Variants in PDE4B observed in about 807,000 individuals in gnomAD.
PDE4B encodes the protein 3',5'-cyclic-AMP phosphodiesterase 4B.
In PDE4B, 20 loss-of-function variants were observed where a neutral mutation model predicts 82.2. The ratio of observed to expected loss-of-function variants is 0.24; its 90% CI spans 0.17 to 0.35. The LOEUF (loss-of-function observed/expected upper bound fraction) is 0.35, where lower values mean the gene tolerates loss of function less well. Among genes scored for constraint, PDE4B ranks in the 10% least tolerant of loss-of-function variants. The pLI is 1.00. For synonymous variants in PDE4B, 320 were observed against 318.9 expected (o/e 1.00, Z -0.04); for missense variants, 655 against 907.2 (o/e 0.72, Z 3.57).
chr1:66,059,435 G>T (rs1394278638), intron 3 of PDE4B, among the ~76,000 whole-genome samples: 2 of 152,150 alleles, frequency 1.3e-5, no homozygotes, highest in East Asian at 1.9e-4. Flanking sequence ...GTATTAGTCT[G>T]CTTTCATGCT....
chr1:66,361,127 T>A (rs1030296519), intron 9 of PDE4B, among the ~76,000 whole-genome samples: 4 of 152,192 alleles, frequency 2.6e-5, no homozygotes, highest in Admixed American at 6.5e-5. Flanking sequence ...GATTTTTAAA[T>A]TTTTTTTAAG....
At chr1:65,876,102 A>T (rs1381535284) in intron 1 of PDE4B, among the ~76,000 whole-genome samples, 1 of 152,146 alleles carries the variant, frequency 6.6e-6, no homozygotes, top group East Asian at 1.9e-4. Context: ...TTAGAATTTA[A>T]AGAACAGTGC....
chr1:66,136,282 C>T (rs1646053249), intron 3 of PDE4B, among the ~76,000 whole-genome samples: 1 of 152,162 alleles, frequency 6.6e-6, no homozygotes, highest in Non-Finnish European at 1.5e-5. Context: ...AGGGCTTCAA[C>T]CAAAACCAAA....
intron 3 of PDE4B, among the ~76,000 whole-genome samples, chr1:66,137,410 G>T (rs1223891499): frequency 6.6e-6 from 1 of 152,182 alleles, no homozygotes; most frequent in Non-Finnish European, 1.5e-5. Flanking sequence ...AAAGCTGAAT[G>T]AGATCATGTC....
At chr1:65,954,593 C>T (rs966990132) in intron 3 of PDE4B, among the ~76,000 whole-genome samples, 4 of 152,054 alleles carry the variant, frequency 2.6e-5, no homozygotes, top group African/African-American at 9.7e-5. Flanking sequence ...TGCTTTTCAA[C>T]ACCTACAAAT....
intron 3 of PDE4B, among the ~76,000 whole-genome samples, chr1:66,198,748 T>A (rs1350624502): frequency 2.0e-5 from 3 of 152,162 alleles, no homozygotes; most frequent in African/African-American, 7.2e-5. Context: ...CTCCTAATGC[T>A]ATCCCTCCCC....
Position 66,372,595 on chromosome 1 carries a change from G to T in PDE4B, c.2128G>T (p.Val710Leu), listed in dbSNP as rs759022790. 6.2e-7 allele frequency: 1 copy of T among 1,614,164 alleles called. No individual in the cohort carries two copies. The highest frequency in any genetic ancestry group is 1.1e-5 in the South Asian group (1 of 91,090). Residue 710 changes from valine (V) to leucine (L), a missense_variant, in exon 17 of 17, where the codon GTG becomes TTG. By Grantham distance (32) the Val-to-Leu change is conservative. Transcript: ENST00000341517. ...SYFSSTKTLC[V>L]IDPENRDSLG... ...TTTCAGCAGCACAAAGACGCTTTGT[G>T]TGATTGATCCAGAAAACAGAGATTC...
chr1:66,358,739 C>T (rs1662500654), intron 9 of PDE4B, among the ~76,000 whole-genome samples: 2 of 150,996 alleles, frequency 1.3e-5, no homozygotes, highest in African/African-American at 4.9e-5. Flanking sequence ...AAGACCATGG[C>T]AACCACCTCA....
intron 3 of PDE4B, among the ~76,000 whole-genome samples, chr1:66,037,265 A>G (rs1037133825): frequency 2.0e-5 from 3 of 152,170 alleles, no homozygotes; most frequent in Admixed American, 6.6e-5. Flanking sequence ...CTTCCAGTCT[A>G]TAAACATGGG....
chr1:66,015,316 AC>A (rs962590355), intron 3 of PDE4B, among the ~76,000 whole-genome samples: 1 of 152,148 alleles, frequency 6.6e-6, no homozygotes, highest in African/African-American at 2.4e-5. Context: ...CTTCTGAGCT[AC>A]TTACAGGAGA....
rs1462288298 is a variant in PDE4B, at chr1:66,348,763, A to G, written c.748-6764A>G. On this transcript the variant is annotated intron_variant, in intron 8 of 16. Coordinates refer to ENST00000341517, the MANE Select transcript of PDE4B (RefSeq NM_002600.4). Reference sequence around the variant, plus strand: ...TATTTGCTAAATCTGGCAACCTTATATATGTGGAAACATAATATAGTTTAT... The same window carrying G: ...TATTTGCTAAATCTGGCAACCTTATGTATGTGGAAACATAATATAGTTTAT... 2.6e-5 allele frequency among the ~76,000 whole-genome samples: 4 copies of G among 151,660 alleles called. No individual in the cohort carries two copies. In the East Asian group the frequency reaches 7.7e-4, roughly 29 times the overall value.
intron 3 of PDE4B, among the ~76,000 whole-genome samples, chr1:66,166,547 A>G (rs1157149837): frequency 1.3e-5 from 2 of 152,124 alleles, no homozygotes; most frequent in Non-Finnish European, 2.9e-5. Flanking sequence ...AAGCCTGACC[A>G]ACATGGTGAA....
chr1:65,948,985 G>A (rs1305423291), intron 3 of PDE4B, among the ~76,000 whole-genome samples: 1 of 151,938 alleles, frequency 6.6e-6, no homozygotes, highest in Non-Finnish European at 1.5e-5. Flanking sequence ...TATCTATCTT[G>A]CCCCTAGGGA....
chr1:65,940,811 G>T (rs1275220967), intron 3 of PDE4B, among the ~76,000 whole-genome samples: 1 of 152,054 alleles, frequency 6.6e-6, no homozygotes, highest in Non-Finnish European at 1.5e-5. Flanking sequence ...GAAATTAGGT[G>T]TATGAATCTG....
At chr1:66,139,380 C>G (rs74084636) in intron 3 of PDE4B, among the ~76,000 whole-genome samples, 1 of 151,998 alleles carries the variant, frequency 6.6e-6, no homozygotes, top group Non-Finnish European at 1.5e-5. Flanking sequence ...GGCCAGTTTC[C>G]TCATCCCATT....
intron 3 of PDE4B, among the ~76,000 whole-genome samples, chr1:66,092,228 T>A (rs564873975): frequency 4.9e-4 from 75 of 152,108 alleles, no homozygotes; most frequent in African/African-American, 1.7e-3. Flanking sequence ...TCCTCACTTG[T>A]TGTTGATAGG....
intron 3 of PDE4B, among the ~76,000 whole-genome samples, chr1:66,197,635 G>C (rs1300845283): frequency 6.6e-6 from 1 of 152,110 alleles, no homozygotes; most frequent in Non-Finnish European, 1.5e-5. Context: ...ATCTCAAAGA[G>C]TAGTGGTTTC....
At chr1:66,060,208 A>G (rs2100893331) in intron 3 of PDE4B, among the ~76,000 whole-genome samples, 1 of 152,308 alleles carries the variant, frequency 6.6e-6, no homozygotes, top group South Asian at 2.1e-4. Context: ...TTCAGGATTA[A>G]ATTTTGTAGG....
intron 3 of PDE4B, among the ~76,000 whole-genome samples, chr1:66,053,694 A>G (rs1211269527): frequency 6.6e-6 from 1 of 152,026 alleles, no homozygotes; most frequent in African/African-American, 2.4e-5. Context: ...CCCCATCTCC[A>G]CTAAAATACA....
Sources: allele counts gnomAD v4.1 joint callset (sites outside exome capture counted in the v4.1 genomes callset), GRCh38; gene constraint gnomAD v4.1.1; transcripts MANE v1.5; gene names NCBI Gene and HGNC (gene_info 2026-07-23, HGNC 2026-07-21).